The following CNTNAP2 variants were observed in gnomAD, a reference collection of about 807,000 sequenced individuals.
The protein encoded by CNTNAP2 is contactin associated protein 2, also known as contactin-associated protein-like 2.
Under a neutral mutation model 155.2 loss-of-function variants are expected in CNTNAP2, and 98 were observed. The ratio of observed to expected loss-of-function variants is 0.63; its 90% confidence interval spans 0.54 to 0.75. CNTNAP2 has a LOEUF of 0.75. Among genes scored for constraint, CNTNAP2 ranks in the 30% least tolerant of loss-of-function variants. The pLI is 0.00. For synonymous variants in CNTNAP2, 651 were observed against 631.2 expected, an observed-to-expected ratio of 1.03 and a Z score of -0.47; for missense variants, 1,727 against 1,688.1, an observed-to-expected ratio of 1.02 and a Z score of -0.40.
chr7:147,191,924 C>T (rs1802687350), intron 8 of CNTNAP2, among the ~76,000 whole-genome samples: 1 of 152,146 alleles, frequency 6.6e-6, no homozygotes, highest in East Asian at 1.9e-4. Flanking sequence ...AAGATTCTGT[C>T]CTGTCCTGTT....
chr7:146,201,404 A>T (rs1418306390), intron 1 of CNTNAP2, among the ~76,000 whole-genome samples: 1 of 152,198 alleles, frequency 6.6e-6, no homozygotes, highest in Non-Finnish European at 1.5e-5. Flanking sequence ...CATTAAAATA[A>T]CATTCAGAGA....
At chr7:147,347,427 T>TATATATATATATATATATGC (rs1563169234) in intron 9 of CNTNAP2, among the ~76,000 whole-genome samples, 1 of 55,318 alleles carries the variant, frequency 1.8e-5, no homozygotes, top group African/African-American at 6.7e-5. Flanking sequence ...AGATTATATA[T>TATATATATATATATATATGC]ATATATATAT....
At chr7:147,886,390 G>A (rs1264451310) in intron 13 of CNTNAP2, among the ~76,000 whole-genome samples, 15 of 141,184 alleles carry the variant, frequency 1.1e-4, no homozygotes, top group Admixed American at 2.3e-4. Context: ...CAGGAGAATC[G>A]CTTGAACCCA....
chr7:147,414,807 G>A (rs1350548214), intron 10 of CNTNAP2, among the ~76,000 whole-genome samples: 3 of 151,788 alleles, frequency 2.0e-5, no homozygotes, highest in African/African-American at 7.3e-5. Flanking sequence ...TGGGCGAGGT[G>A]GTGGGCGCCT....
Position 146,559,372 on chromosome 7 carries a change from A to C in CNTNAP2, c.98-214899A>C, listed in dbSNP as rs187895438. On this transcript the variant is annotated intron_variant, in intron 1 of 23. Transcript: ENST00000361727. ...CTCACGAATTCAAGAGATAGAGACT[A>C]TCCTGGCTAACGTGGTGAAACCTCG... 4.6e-3 allele frequency among the ~76,000 whole-genome samples: 706 copies of C among 152,206 alleles called. 5 individuals carry two copies. Among genetic ancestry groups the C allele is most frequent in the African/African-American group, 0.016 (654 of 41,538 alleles).
chr7:146,712,061 C>T (rs1801089782), intron 1 of CNTNAP2, among the ~76,000 whole-genome samples: 1 of 99,888 alleles, frequency 1.0e-5, no homozygotes, highest in South Asian at 3.5e-4. Context: ...CTTATGTATA[C>T]TATATAGTAT....
intron 13 of CNTNAP2, among the ~76,000 whole-genome samples, chr7:147,817,626 C>T (rs901663995): frequency 1.3e-5 from 2 of 151,954 alleles, no homozygotes; most frequent in South Asian, 2.1e-4. Context: ...CAAAGAAGGC[C>T]GGGCGTGGTG....
chr7:148,314,849 C>G (rs948374679), intron 21 of CNTNAP2, among the ~76,000 whole-genome samples: 1 of 152,150 alleles, frequency 6.6e-6, no homozygotes, highest in Non-Finnish European at 1.5e-5. Flanking sequence ...TGATTAAACA[C>G]CAAGGGAAGA....
At chr7:147,469,969 A>G (rs1798187721) in intron 10 of CNTNAP2, among the ~76,000 whole-genome samples, 1 of 152,190 alleles carries the variant, frequency 6.6e-6, no homozygotes. Context: ...TCCCATGGCC[A>G]GCTACACTGG....
intron 16 of CNTNAP2, among the ~76,000 whole-genome samples, chr7:148,136,865 G>C (rs1365200854): frequency 1.3e-5 from 2 of 152,172 alleles, no homozygotes; most frequent in African/African-American, 4.8e-5. Flanking sequence ...TATTTTATAT[G>C]CGCAGTCTTT....
intron 1 of CNTNAP2, among the ~76,000 whole-genome samples, chr7:146,246,417 A>G (rs1799656121): frequency 6.6e-6 from 1 of 150,446 alleles, no homozygotes; most frequent in Non-Finnish European, 1.5e-5. Context: ...AGTATTGTCT[A>G]AGTTGGCATG....
At chr7:148,064,507 A>T (rs2116518289) in intron 15 of CNTNAP2, among the ~76,000 whole-genome samples, 1 of 152,148 alleles carries the variant, frequency 6.6e-6, no homozygotes, top group African/African-American at 2.4e-5. Context: ...ATGATTGTAT[A>T]CCTAGAAAAC....
chr7:148,128,115 C>T (rs1284936840), intron 16 of CNTNAP2, among the ~76,000 whole-genome samples: 1 of 152,160 alleles, frequency 6.6e-6, no homozygotes, highest in African/African-American at 2.4e-5. Context: ...GCGATCCACC[C>T]GCCTCAGCCT....
At chr7:146,957,321 G>T (rs544439938) in intron 3 of CNTNAP2, among the ~76,000 whole-genome samples, 51 of 152,234 alleles carry the variant, frequency 3.4e-4, no homozygotes, top group Non-Finnish European at 6.9e-4. Context: ...TTCACCAGGT[G>T]ATAGAAATTT....
chr7:147,418,077 T>C (rs1797228702), intron 10 of CNTNAP2, among the ~76,000 whole-genome samples: 1 of 152,170 alleles, frequency 6.6e-6, no homozygotes, highest in Admixed American at 6.5e-5. Flanking sequence ...ACAATAACAA[T>C]TATATGCCAA....
At chr7:148,166,011 C>G (rs1208279422) in intron 17 of CNTNAP2, among the ~76,000 whole-genome samples, 1 of 151,962 alleles carries the variant, frequency 6.6e-6, no homozygotes, top group Non-Finnish European at 1.5e-5. Context: ...TCCTGAAGCC[C>G]TCTCTCCATG....
At chr7:146,535,244 CAT>C (rs1319976416) in intron 1 of CNTNAP2, among the ~76,000 whole-genome samples, 1 of 35,274 alleles carries the variant, frequency 2.8e-5, no homozygotes, top group South Asian at 8.4e-4. Context: ...TATCATATAT[CAT>C]ATATATGATA....
chr7:146,784,973 CTT>C (rs11301712), intron 2 of CNTNAP2, among the ~76,000 whole-genome samples: 4,828 of 141,668 alleles, frequency 0.034, 110 homozygotes, highest in East Asian at 0.1. Flanking sequence ...TATCCCTTTG[CTT>C]TTTTTTTTTT....
At chr7:148,202,122 G>T (rs368214213) in intron 18 of CNTNAP2, among the ~76,000 whole-genome samples, 1 of 151,918 alleles carries the variant, frequency 6.6e-6, no homozygotes, top group South Asian at 2.1e-4. Context: ...AAGGAGTTGC[G>T]GTATTTCATA....
Sources: gnomAD v4.1 joint callset for allele counts (sites outside exome capture counted in the v4.1 genomes callset) on GRCh38, gnomAD v4.1.1 for gene constraint, MANE v1.5 for transcripts, NCBI Gene and HGNC (gene_info 2026-07-23, HGNC 2026-07-21) for gene names.